Variants in ABCC1 observed in about 807,000 individuals in gnomAD.
The protein encoded by ABCC1 is multidrug resistance-associated protein 1.
In ABCC1, 83 loss-of-function variants were observed where a neutral mutation model predicts 172.9. The observed-to-expected ratio is 0.48, with a 90% confidence interval of 0.40 to 0.58. ABCC1 has a LOEUF of 0.58. Ranked by LOEUF, ABCC1 falls within the 20% of genes least tolerant of loss-of-function variation. ABCC1 has a pLI of 0.00. For missense variants in ABCC1, 1,817 were observed against 2,002.7 expected, an observed-to-expected ratio of 0.91 and a Z score of 1.77; for synonymous variants, 937 against 825.2, an observed-to-expected ratio of 1.14 and a Z score of -2.32.
chr16:16,068,008 T>A, intron 12 of ABCC1, 148 bp from the exon 13 acceptor site: 24 of 671,312 alleles, frequency 3.6e-5, no homozygotes, highest in East Asian at 6.6e-5. Context: ...TGCCAGATAC[T>A]GCCCCAGGTT....
intron 1 of ABCC1, among the ~76,000 whole-genome samples, chr16:15,975,744 C>T (rs779193429): frequency 2.0e-5 from 3 of 151,488 alleles, no homozygotes; most frequent in East Asian, 2.0e-4. Context: ...TTATTACAGA[C>T]GGGGTTTCTC....
intron 14 of ABCC1, among the ~76,000 whole-genome samples, chr16:16,075,133 T>G (rs1304487129): frequency 1.3e-5 from 2 of 151,750 alleles, no homozygotes; most frequent in African/African-American, 4.8e-5. Flanking sequence ...TTAGTAGAGA[T>G]GGGGTTTCAC....
In ABCC1 at chr16:16,142,951, T is replaced by C. The variant is rs988506524; in HGVS notation, c.*1670T>C. 4 of 152,628 alleles carry C rather than the reference T, an allele frequency of 2.6e-5. No homozygotes were observed. Among genetic ancestry groups the C allele is most frequent in the African/African-American group, 7.2e-5 (3 of 41,458 alleles). 9.5% of individuals were successfully genotyped at this position (152,628 alleles called of 1,614,324 possible). A position where few individuals can be genotyped will look rare whatever the true frequency, so the allele number is the denominator to read the frequency against. On this transcript the variant is annotated 3_prime_UTR_variant, in exon 31 of 31. Coordinates refer to ENST00000399410, the MANE Select transcript of ABCC1 (RefSeq NM_004996.4). ...GCATATATTTATTTTTTGTAAGTTA[T>C]ACCATTCTTTCACATTAGATAAACT...
At chr16:16,064,812 G>T (rs1247088771) in intron 12 of ABCC1, among the ~76,000 whole-genome samples, 1 of 152,214 alleles carries the variant, frequency 6.6e-6, no homozygotes, top group African/African-American at 2.4e-5. Flanking sequence ...CATACTACAG[G>T]TAATAATCTC....
At chr16:16,074,752 G>A (rs1250638217) in intron 14 of ABCC1, among the ~76,000 whole-genome samples, 1 of 152,108 alleles carries the variant, frequency 6.6e-6, no homozygotes, top group African/African-American at 2.4e-5. Flanking sequence ...ACGTCCACTC[G>A]TAGAAGAGCT....
chr16:16,044,569 A>T lies in ABCC1; in HGVS notation c.929A>T (p.Asn310Ile), dbSNP rs367746886. The T allele has an allele frequency of 1.2e-6, 2 of 1,613,794 alleles. No individual in the cohort carries two copies. Among genetic ancestry groups the T allele is most frequent in the East Asian group, 2.2e-5 (1 of 44,894 alleles). Residue 310 changes from asparagine (N) to isoleucine (I), a missense_variant, in exon 8 of 31, where the codon AAC (asparagine) becomes ATC (isoleucine). Transcript: ENST00000399410. ...LIVKSPQKEW[N>I]PSLFKVLYKT... ...GTCAAGTCCCCACAGAAGGAGTGGA[A>T]CCCCTCTCTGTTTAAGGTGTTATAC...
At chr16:16,044,798 G>A in intron 8 of ABCC1, 118 bp downstream of exon 8, 1 of 891,052 alleles carries the variant, frequency 1.1e-6, no homozygotes, top group African/African-American at 1.7e-5. Flanking sequence ...ATAGCCAGAT[G>A]TCTCCATTTT....
At chr16:16,100,068 A>C (rs1045149387) in intron 19 of ABCC1, among the ~76,000 whole-genome samples, 1 of 152,144 alleles carries the variant, frequency 6.6e-6, no homozygotes, top group African/African-American at 2.4e-5. Context: ...CCTGGGCGAC[A>C]GAGAAGACCT....
At chr16:16,015,202 C>T (rs934855727) in intron 4 of ABCC1, among the ~76,000 whole-genome samples, 21 of 149,936 alleles carry the variant, frequency 1.4e-4, no homozygotes, top group African/African-American at 3.0e-4. Context: ...TGCAGTGGCA[C>T]GATCTAGGCT....
intron 5 of ABCC1, among the ~76,000 whole-genome samples, chr16:16,023,000 C>A (rs1438406277): frequency 6.6e-6 from 1 of 152,196 alleles, no homozygotes. Context: ...CAGCCTCCAA[C>A]TCCTGGGCTC....
At chr16:16,130,917 T>TA (rs1408277154) in intron 26 of ABCC1, among the ~76,000 whole-genome samples, 4 of 152,144 alleles carry the variant, frequency 2.6e-5, no homozygotes, top group East Asian at 1.9e-4. Flanking sequence ...GGTCAGGAGT[T>TA]AGAGACCAGC....
At chr16:15,954,322 G>A (rs187199844) in intron 1 of ABCC1, among the ~76,000 whole-genome samples, 3 of 152,030 alleles carry the variant, frequency 2.0e-5, no homozygotes, top group Admixed American at 6.6e-5. Flanking sequence ...GAGCCACCGC[G>A]CTCAGCCTGT....
At chr16:16,134,632 T>C (rs966230788) in intron 28 of ABCC1, 124 bp downstream of exon 28, 2 of 900,638 alleles carry the variant, frequency 2.2e-6, no homozygotes, top group East Asian at 7.1e-5. Context: ...GTTCTTTTTT[T>C]TTTTTTTTTT....
chr16:15,955,693 C>T (rs549446853), intron 1 of ABCC1, among the ~76,000 whole-genome samples: 2 of 152,178 alleles, frequency 1.3e-5, no homozygotes, highest in African/African-American at 4.8e-5. Flanking sequence ...GCATCCCGTT[C>T]TTTCCCTCCA....
intron 7 of ABCC1, 30 bp from the exon 8 acceptor site, chr16:16,044,420 C>T (rs2049113101): frequency 6.3e-7 from 1 of 1,598,334 alleles, no homozygotes; most frequent in African/African-American, 1.3e-5. Context: ...CTGGCAGACC[C>T]CACAACGGCT....
intron 20 of ABCC1, among the ~76,000 whole-genome samples, chr16:16,104,960 G>C (rs1340725070): frequency 2.0e-5 from 3 of 152,132 alleles, no homozygotes; most frequent in African/African-American, 7.2e-5. Context: ...CAGAACTAGC[G>C]CTGGCCCGCA....
intron 19 of ABCC1, chr16:16,098,788 C>G (rs1332661650): frequency 8.2e-7 from 1 of 1,224,984 alleles, no homozygotes; most frequent in Non-Finnish European, 1.1e-6. Context: ...AAAGACACTC[C>G]CTTCACTCCT....
chr16:16,137,974 C>G (rs188833281), intron 29 of ABCC1, among the ~76,000 whole-genome samples: 73 of 152,120 alleles, frequency 4.8e-4, no homozygotes, highest in Non-Finnish European at 9.4e-4. Context: ...GCCTCAGCCT[C>G]CCAGTAACTG....
At chr16:16,036,443 T>C (rs777477468) in intron 6 of ABCC1, 29 bp from the exon 7 acceptor site, 2 of 1,599,314 alleles carry the variant, frequency 1.3e-6, no homozygotes, top group South Asian at 1.1e-5. Flanking sequence ...TGACTCTCAT[T>C]GCCTAACCCC....
Sources: allele counts gnomAD v4.1 joint callset (sites outside exome capture counted in the v4.1 genomes callset), GRCh38; gene constraint gnomAD v4.1.1; transcripts MANE v1.5; gene names NCBI Gene and HGNC (gene_info 2026-07-23, HGNC 2026-07-21).